ADAM28: variants seen among roughly 807,000 people sequenced by gnomAD.
ADAM28 encodes ADAM metallopeptidase domain 28, also known as disintegrin and metalloproteinase domain-containing protein 28.
In ADAM28, 105 loss-of-function variants were observed where a neutral mutation model predicts 101.2. That is an observed-to-expected ratio of 1.04 (90% CI 0.89 to 1.22). The LOEUF (loss-of-function observed/expected upper bound fraction) is 1.22, where lower values mean the gene tolerates loss of function less well. Ranked by LOEUF, ADAM28 falls within the 50% of genes most tolerant of loss-of-function variation. The probability of loss-of-function intolerance (pLI) is 0.00; values close to 1 mark genes in which losing one functional copy is unlikely to be tolerated. For missense variants in ADAM28, 1,028 were observed against 945.4 expected (o/e 1.09, Z -1.15); for synonymous variants, 322 against 310.6 (o/e 1.04, Z -0.39).
At position 24,341,649 on chromosome 8, in the gene ADAM28, C is replaced by A. The variant is rs946178205; in HGVS notation, c.1722C>A (p.Pro574=). ...LFCQGGSDNL[P]WKGRIVTFLT... ...GTCAAGGTGGGTCGGATAATTTGCCCTGGAAAGGACGGATAGTGACTTTCC... is the reference window on the plus strand; with the variant it reads ...GTCAAGGTGGGTCGGATAATTTGCCATGGAAAGGACGGATAGTGACTTTCC... Residue 574 remains proline, a synonymous_variant, in exon 16 of 23, where the codon CCC becomes CCA. Coordinates refer to ENST00000265769, the MANE Select transcript of ADAM28 (RefSeq NM_014265.6). 3 of 1,613,682 alleles carry A rather than the reference C, an allele frequency of 1.9e-6. No individual in the cohort carries two copies. The African/African-American group carries it at 4.0e-5, about 22-fold the overall frequency.
chr8:24,351,708 A>G (rs1377612797), intron 20 of ADAM28, among the ~76,000 whole-genome samples: 1 of 152,190 alleles, frequency 6.6e-6, no homozygotes, highest in Non-Finnish European at 1.5e-5. Flanking sequence ...TGTCCTACTC[A>G]TGTCCTGTAA....
chr8:24,318,200 A>G (rs1255253517), intron 6 of ADAM28, among the ~76,000 whole-genome samples: 1 of 152,006 alleles, frequency 6.6e-6, no homozygotes, highest in Admixed American at 6.6e-5. Context: ...TGCTGTGAAT[A>G]TCAACTCCTG....
At chr8:24,339,607 A>G (rs766044019) in intron 15 of ADAM28, 39 bp downstream of exon 15, 1 of 1,502,166 alleles carries the variant, frequency 6.7e-7, no homozygotes, top group Non-Finnish European at 9.2e-7. Context: ...TTCACAGACT[A>G]GAGCAATGGT....
At chr8:24,313,761 T>TA (rs1042107379) in intron 6 of ADAM28, among the ~76,000 whole-genome samples, 181 bp downstream of exon 6, 2 of 150,530 alleles carry the variant, frequency 1.3e-5, no homozygotes, top group Admixed American at 6.6e-5. Flanking sequence ...ATCAACTATT[T>TA]TTTTTTTTTT....
In ADAM28 at chr8:24,354,975, T is replaced by C. The variant is rs1238118079; in HGVS notation, c.*571T>C. The C allele has an allele frequency of 6.6e-6, 1 of 152,600 alleles. No homozygotes were observed. Among genetic ancestry groups the C allele is most frequent in the Non-Finnish European group, 1.5e-5 (1 of 68,026 alleles). The allele number at this position is 152,600 out of a possible 1,614,324, so 9.5% of individuals were successfully genotyped here. On this transcript the variant is annotated 3_prime_UTR_variant, in exon 23 of 23. Transcript: ENST00000265769. The stretch of plus-strand genomic sequence containing the variant: ...TGTTTTATCATATATATTTGTATAA[T>C]TAATTACTGGCATGGTTAAAGTGGT...
At chr8:24,324,025 T>C in intron 9 of ADAM28, 22 bp downstream of exon 9, 1 of 1,608,878 alleles carries the variant, frequency 6.2e-7, no homozygotes, top group Non-Finnish European at 8.5e-7. Context: ...TTTTCTCCCA[T>C]TGCACACTAT....
At chr8:24,329,763 T>C (rs186091483) in intron 10 of ADAM28, among the ~76,000 whole-genome samples, 2 of 152,212 alleles carry the variant, frequency 1.3e-5, no homozygotes, top group Admixed American at 6.6e-5. Flanking sequence ...TCCTTCATTA[T>C]AGGAACCTAC....
At chr8:24,332,803 C>T in intron 13 of ADAM28, 54 bp downstream of exon 13, 1 of 962,620 alleles carries the variant, frequency 1.0e-6, no homozygotes, top group Non-Finnish European at 1.5e-6. Flanking sequence ...TATACATTAA[C>T]ATCTCAGTGA....
At chr8:24,305,616 G>A (rs1304595644) in intron 2 of ADAM28, among the ~76,000 whole-genome samples, 1 of 151,752 alleles carries the variant, frequency 6.6e-6, no homozygotes, top group African/African-American at 2.4e-5. Flanking sequence ...ATCTTTAAAG[G>A]AAATAAGAGT....
chr8:24,335,488 T>G lies in ADAM28; in HGVS notation c.1414T>G (p.Cys472Gly), dbSNP rs1285496571. 6.2e-7 allele frequency: 1 copy of G among 1,614,036 alleles called. No homozygotes were observed. Among genetic ancestry groups the G allele is most frequent in the African/African-American group, 1.3e-5 (1 of 75,036 alleles). The change falls in exon 14 of 23, where the codon TGC becomes GGC. Residue 472 changes from cysteine (C) to glycine (G), a missense_variant. Physicochemically the swap from Cys to Gly is radical, Grantham distance 159 (BLOSUM62 -3). Coordinates refer to ENST00000265769, the MANE Select transcript of ADAM28 (RefSeq NM_014265.6). ...GMVCRPAKDE[C>G]DLPEMCNGKS... ...GGTGTGCAGACCAGCAAAAGATGAG[T>G]GCGACCTGCCTGAAATGTGTAATGG...
At chr8:24,312,918 G>C (rs1426493457) in intron 5 of ADAM28, among the ~76,000 whole-genome samples, 1 of 152,084 alleles carries the variant, frequency 6.6e-6, no homozygotes, top group African/African-American at 2.4e-5. Context: ...ATATTAGGTA[G>C]GTATTAAGAC....
At chr8:24,316,696 C>G (rs573943717) in intron 6 of ADAM28, among the ~76,000 whole-genome samples, 4 of 152,014 alleles carry the variant, frequency 2.6e-5, no homozygotes, top group Admixed American at 2.6e-4. Context: ...ACTCTTACCA[C>G]TTCTATTAAA....
intron 10 of ADAM28, among the ~76,000 whole-genome samples, chr8:24,328,183 A>C (rs1009289583): frequency 5.9e-5 from 9 of 151,970 alleles, no homozygotes; most frequent in African/African-American, 1.9e-4. Flanking sequence ...TTTTTAAAAC[A>C]TTCCTTATAA....
chr8:24,331,468 G>A (rs1813353377), intron 12 of ADAM28, 141 bp downstream of exon 12: 1 of 835,954 alleles, frequency 1.2e-6, no homozygotes, highest in South Asian at 2.6e-5. Context: ...GTATTTTCCA[G>A]GAAAATCTTT....
chr8:24,351,532 A>T (rs926721396), intron 20 of ADAM28: 33 of 602,038 alleles, frequency 5.5e-5, no homozygotes, highest in Non-Finnish European at 9.0e-5. Flanking sequence ...AGAACAAAGA[A>T]TGCACATACC....
chr8:24,354,264 T>C, intron 22 of ADAM28, 120 bp from the exon 23 acceptor site: 1 of 852,364 alleles, frequency 1.2e-6, no homozygotes, highest in South Asian at 1.6e-5. Flanking sequence ...CTGTATCAAG[T>C]GACCTATGAA....
chr8:24,340,197 CT>C (rs1348098505), intron 15 of ADAM28, among the ~76,000 whole-genome samples: 1 of 152,156 alleles, frequency 6.6e-6, no homozygotes, highest in Non-Finnish European at 1.5e-5. Flanking sequence ...ATAGATTAAA[CT>C]CTTTGTACCT....
At chr8:24,301,894 A>C (rs1355099659) in intron 2 of ADAM28, among the ~76,000 whole-genome samples, 1 of 152,142 alleles carries the variant, frequency 6.6e-6, no homozygotes, top group Non-Finnish European at 1.5e-5. Context: ...TAAAAATAAG[A>C]GACTCATCAG....
intron 11 of ADAM28, among the ~76,000 whole-genome samples, chr8:24,330,599 C>T (rs1362844620): frequency 6.6e-6 from 1 of 152,154 alleles, no homozygotes; most frequent in Non-Finnish European, 1.5e-5. Context: ...TCTATACATA[C>T]AGCTCACTCT....
Sources: allele counts gnomAD v4.1 joint callset (sites outside exome capture counted in the v4.1 genomes callset), GRCh38; gene constraint gnomAD v4.1.1; transcripts MANE v1.5; gene names NCBI Gene and HGNC (gene_info 2026-07-23, HGNC 2026-07-21).